Variants in BCAS3 observed in about 807,000 individuals in gnomAD.
BCAS3 encodes the protein BCAS3 microtubule associated cell migration factor, also known as BCAS4/BCAS3 fusion.
BCAS3 carries 53 observed loss-of-function variants against 116.1 expected under a neutral mutation model. That is an observed-to-expected ratio of 0.46 (90% CI 0.37 to 0.57). The LOEUF (loss-of-function observed/expected upper bound fraction) is 0.57, where lower values mean the gene tolerates loss of function less well. Among genes scored for constraint, BCAS3 ranks in the 20% least tolerant of loss-of-function variants. BCAS3 has a pLI of 0.00. For synonymous variants in BCAS3, 391 were observed against 408.2 expected (o/e 0.96, Z 0.51); for missense variants, 917 against 1,165.4 (o/e 0.79, Z 3.10).
At chr17:61,076,759 T>C (rs1489864098) in intron 20 of BCAS3, among the ~76,000 whole-genome samples, 1 of 152,212 alleles carries the variant, frequency 6.6e-6, no homozygotes, top group Non-Finnish European at 1.5e-5. Context: ...GGTTTTGAGC[T>C]TAAAGTACAC....
intron 22 of BCAS3, among the ~76,000 whole-genome samples, chr17:61,121,923 T>C (rs918639259): frequency 2.6e-5 from 4 of 152,020 alleles, no homozygotes; most frequent in African/African-American, 9.7e-5. Flanking sequence ...AGAGACGGGG[T>C]TTCAACATCT....
In BCAS3 at chr17:61,256,043, A is replaced by AT. The variant is rs1364521598; in HGVS notation, c.2426-112276dup. Among the ~76,000 whole-genome samples, 1 of 151,946 alleles carries AT rather than the reference A, an allele frequency of 6.6e-6. No homozygotes were observed. Among genetic ancestry groups the AT allele is most frequent in the Non-Finnish European group, 1.5e-5 (1 of 67,966 alleles). On this transcript the variant is annotated intron_variant, in intron 22 of 23. Coordinates refer to ENST00000407086, the MANE Select transcript of BCAS3 (RefSeq NM_017679.5). The surrounding 1 kb of genome is among the most constrained non-coding windows in gnomAD (Gnocchi z 5.6). The stretch of plus-strand genomic sequence containing the variant: ...ATAATTGTACCATATTTATTTTCTG[A>AT]TTTTTTTTAACCTTTCAGTTAATAA...
chr17:60,742,852 G>A (rs904685916), intron 5 of BCAS3, among the ~76,000 whole-genome samples: 5 of 151,596 alleles, frequency 3.3e-5, no homozygotes, highest in African/African-American at 7.3e-5. Context: ...GGTGGCTCAC[G>A]CCTGTAATCC....
intron 6 of BCAS3, among the ~76,000 whole-genome samples, chr17:60,753,435 A>C (rs937126124): frequency 6.0e-5 from 9 of 150,258 alleles, no homozygotes; most frequent in African/African-American, 2.2e-4. Flanking sequence ...TTAGAGACGG[A>C]GTCTTGCTCT....
intron 5 of BCAS3, among the ~76,000 whole-genome samples, chr17:60,719,352 T>C (rs138659750): frequency 7.9e-5 from 12 of 152,340 alleles, no homozygotes; most frequent in Non-Finnish European, 1.3e-4. Flanking sequence ...AACATATGTA[T>C]ATAGTTTACA....
At chr17:60,973,753 G>A (rs1034394445) in intron 14 of BCAS3, among the ~76,000 whole-genome samples, 6 of 151,718 alleles carry the variant, frequency 4.0e-5, no homozygotes, top group South Asian at 2.1e-4. Flanking sequence ...CACCACACCC[G>A]GCTAATTTTT....
rs2079508454 is a variant in BCAS3, at chr17:61,181,952, C to T, written c.2425+97388C>T. Among the ~76,000 whole-genome samples the T allele has an allele frequency of 6.6e-6, 1 of 151,948 alleles. No individual in the cohort carries two copies. The highest frequency in any genetic ancestry group is 2.4e-5 in the African/African-American group (1 of 41,344). ...GCAGCGTCATGATTCTAGCTCATTGCACCCTCAACCTCTTGGGCTCAAGGG... is the reference window on the plus strand; with the variant it reads ...GCAGCGTCATGATTCTAGCTCATTGTACCCTCAACCTCTTGGGCTCAAGGG... On this transcript the variant is annotated intron_variant, in intron 22 of 23. Transcript: ENST00000407086. The surrounding 1 kb of genome is among the most constrained non-coding windows in gnomAD (Gnocchi z 5.0).
chr17:61,066,033 T>A (rs1265908687), intron 19 of BCAS3, among the ~76,000 whole-genome samples: 2 of 152,228 alleles, frequency 1.3e-5, no homozygotes, highest in Non-Finnish European at 2.9e-5. Flanking sequence ...TTATCTCACA[T>A]ATAAAACTAG....
Position 61,355,755 on chromosome 17 carries a change from AC to A in BCAS3, c.2426-12570del, listed in dbSNP as rs1285742178. Among the ~76,000 whole-genome samples, 1 of 152,182 alleles carries A rather than the reference AC, an allele frequency of 6.6e-6. No homozygotes were observed. Among genetic ancestry groups the A allele is most frequent in the Non-Finnish European group, 1.5e-5 (1 of 68,032 alleles). On this transcript the variant is annotated intron_variant, in intron 22 of 23. Transcript: ENST00000407086. This position sits in a 1 kb window ranked among gnomAD's most constrained non-coding sequence, Gnocchi z 4.2. ...TGTTAGTTATCTTACCTTTCCTGAT[AC>A]CTGACCACAGACTAATTATTTGGAA...
At chr17:60,858,987 T>C (rs1203638542) in intron 7 of BCAS3, among the ~76,000 whole-genome samples, 3 of 152,216 alleles carry the variant, frequency 2.0e-5, no homozygotes, top group Non-Finnish European at 4.4e-5. Context: ...ATTTTATTTA[T>C]TATGAACACC....
chr17:60,747,538 C>T (rs1476455320), intron 6 of BCAS3, among the ~76,000 whole-genome samples: 1 of 152,174 alleles, frequency 6.6e-6, no homozygotes, highest in Non-Finnish European at 1.5e-5. Flanking sequence ...TTAGCCTCTG[C>T]CTTTGCTGGC....
rs569351226 is a variant in BCAS3, at chr17:61,355,892, G to A, written c.2426-12435G>A. Among the ~76,000 whole-genome samples, 10 of 152,320 alleles carry A rather than the reference G, an allele frequency of 6.6e-5. No individual in the cohort carries two copies. In the South Asian group the frequency reaches 2.1e-3, roughly 32 times the overall value. On this transcript the variant is annotated intron_variant, in intron 22 of 23. Coordinates refer to ENST00000407086, the MANE Select transcript of BCAS3 (RefSeq NM_017679.5). The surrounding 1 kb of genome is among the most constrained non-coding windows in gnomAD (Gnocchi z 4.2). ...GTTTCCGAGGATAGTTTGTCTTGCA[G>A]TGTATTCTGAGCCCTGCCATAGGAA...
At chr17:60,720,401 T>A (rs951655562) in intron 5 of BCAS3, 1 of 152,216 alleles carries the variant, frequency 6.6e-6, no homozygotes. Context: ...CCTCCCACAG[T>A]GCTGGGATTA....
Position 61,241,935 on chromosome 17 carries a change from G to A in BCAS3, c.2426-126392G>A, listed in dbSNP as rs761039523. On this transcript the variant is annotated intron_variant, in intron 22 of 23. Transcript: ENST00000407086. This position sits in a 1 kb window ranked among gnomAD's most constrained non-coding sequence, Gnocchi z 4.6. ...TACTAAAGAGGAATCATTTCTCAGT[G>A]TTAAGTATATCTGGGACCAGAAATG... Among the ~76,000 whole-genome samples the A allele has an allele frequency of 6.6e-6, 1 of 152,184 alleles. No homozygotes were observed. Among genetic ancestry groups the A allele is most frequent in the African/African-American group, 2.4e-5 (1 of 41,446 alleles).
chr17:60,824,134 G>GT (rs1568328338), intron 7 of BCAS3, among the ~76,000 whole-genome samples: 1 of 152,046 alleles, frequency 6.6e-6, no homozygotes, highest in African/African-American at 2.4e-5. Context: ...ATTCATTACA[G>GT]TTTTTCCCGT....
At chr17:60,819,249 C>A (rs1245064864) in intron 7 of BCAS3, among the ~76,000 whole-genome samples, 1 of 152,176 alleles carries the variant, frequency 6.6e-6, no homozygotes, top group Non-Finnish European at 1.5e-5. Context: ...CGGAACATTA[C>A]ACACCTGACT....
chr17:60,812,801 C>T (rs2048958928), intron 7 of BCAS3, among the ~76,000 whole-genome samples: 1 of 152,044 alleles, frequency 6.6e-6, no homozygotes, highest in Admixed American at 6.6e-5. Context: ...GTGCAGTGGT[C>T]CAATCATAGC....
intron 12 of BCAS3, among the ~76,000 whole-genome samples, chr17:60,919,137 T>C (rs1422738533): frequency 6.6e-6 from 1 of 152,222 alleles, no homozygotes; most frequent in Non-Finnish European, 1.5e-5. Context: ...TGTCTGTGTC[T>C]GCTTGTATCT....
intron 16 of BCAS3, among the ~76,000 whole-genome samples, chr17:61,016,687 T>C (rs1452893260): frequency 1.3e-5 from 2 of 152,222 alleles, no homozygotes; most frequent in African/African-American, 2.4e-5. Context: ...TTAATCTAAT[T>C]TGAAATGAAA....
Sources: allele counts gnomAD v4.1 joint callset (sites outside exome capture counted in the v4.1 genomes callset), GRCh38; gene constraint gnomAD v4.1.1; non-coding constraint Gnocchi (gnomAD v3.1); transcripts MANE v1.5; gene names NCBI Gene and HGNC (gene_info 2026-07-23, HGNC 2026-07-21).